Variants in ATXN7L1 observed in about 807,000 individuals in gnomAD.
ATXN7L1 encodes ataxin 7 like 1.
In ATXN7L1, 15 loss-of-function variants were observed where a neutral mutation model predicts 70.8. That is an observed-to-expected ratio of 0.21 (90% CI 0.14 to 0.33). The LOEUF (loss-of-function observed/expected upper bound fraction) is 0.33. Among genes scored for constraint, ATXN7L1 ranks in the 10% least tolerant of loss-of-function variants. ATXN7L1 has a pLI of 1.00. For synonymous variants in ATXN7L1, 440 were observed against 445.1 expected, an observed-to-expected ratio of 0.99 and a Z score of 0.14; for missense variants, 975 against 1,097.1, an observed-to-expected ratio of 0.89 and a Z score of 1.57.
intron 9 of ATXN7L1, chr7:105,618,026 G>A (rs1454672939): frequency 2.2e-6 from 1 of 456,662 alleles, no homozygotes; most frequent in African/African-American, 2.0e-5. Flanking sequence ...GTTGCTCAGT[G>A]ACAGCAGATT....
At chr7:105,827,097 G>A (rs145312040) in intron 2 of ATXN7L1, among the ~76,000 whole-genome samples, 2 of 152,294 alleles carry the variant, frequency 1.3e-5, no homozygotes, top group East Asian at 3.9e-4. Context: ...AGGCGAGGTT[G>A]AAAAGGAAAG....
intron 3 of ATXN7L1, among the ~76,000 whole-genome samples, chr7:105,670,699 G>T (rs1248764079): frequency 6.7e-6 from 1 of 150,082 alleles, no homozygotes; most frequent in Admixed American, 6.6e-5. Flanking sequence ...CGTGGTGGCT[G>T]ACATCTGTAA....
intron 7 of ATXN7L1, among the ~76,000 whole-genome samples, chr7:105,625,744 C>T (rs968345142): frequency 2.6e-5 from 4 of 152,176 alleles, no homozygotes; most frequent in Non-Finnish European, 5.9e-5. Context: ...GAACTACCTG[C>T]TTCCTAGGCA....
At chr7:105,715,202 T>G (rs1389533304) in intron 3 of ATXN7L1, among the ~76,000 whole-genome samples, 1 of 152,140 alleles carries the variant, frequency 6.6e-6, no homozygotes, top group Non-Finnish European at 1.5e-5. Context: ...ACGTGTGGGC[T>G]CAAAACCAGC....
chr7:105,647,673 C>T (rs1799252160), intron 4 of ATXN7L1, among the ~76,000 whole-genome samples: 2 of 152,192 alleles, frequency 1.3e-5, no homozygotes, highest in South Asian at 4.1e-4. Flanking sequence ...AAAAACAAGC[C>T]AAGCAGCCCT....
chr7:105,677,758 T>C (rs1202632823), intron 3 of ATXN7L1, among the ~76,000 whole-genome samples: 2 of 152,184 alleles, frequency 1.3e-5, no homozygotes, highest in African/African-American at 2.4e-5. Flanking sequence ...ATTAAATTAG[T>C]CCACTTACAA....
At chr7:105,611,815 C>T (rs1401040199) in intron 10 of ATXN7L1, among the ~76,000 whole-genome samples, 2 of 152,220 alleles carry the variant, frequency 1.3e-5, no homozygotes, top group Non-Finnish European at 2.9e-5. Flanking sequence ...ATGCGTTGCC[C>T]CGACCCCGAT....
At chr7:105,819,726 A>T (rs1809808959) in intron 2 of ATXN7L1, 1 of 816,722 alleles carries the variant, frequency 1.2e-6, no homozygotes, top group Non-Finnish European at 2.1e-6. Flanking sequence ...CTCTAGCCGC[A>T]CCTTCCGGCT....
chr7:105,634,179 G>A (rs961973844), intron 7 of ATXN7L1, among the ~76,000 whole-genome samples: 6 of 152,286 alleles, frequency 3.9e-5, no homozygotes, highest in East Asian at 1.9e-4. Flanking sequence ...ACACAGTCAC[G>A]CAAGTTTGTT....
At chr7:105,786,993 A>G (rs575200688) in intron 3 of ATXN7L1, among the ~76,000 whole-genome samples, 1 of 152,294 alleles carries the variant, frequency 6.6e-6, no homozygotes, top group East Asian at 1.9e-4. Context: ...TCACTGAACC[A>G]CTGGCTGGGT....
intron 11 of ATXN7L1, 118 bp from the exon 12 acceptor site, chr7:105,608,008 C>T (rs1792833963): frequency 5.4e-6 from 5 of 926,012 alleles, no homozygotes; most frequent in Non-Finnish European, 8.4e-6. Context: ...TATCCCACCT[C>T]CCATATCCAG....
At chr7:105,820,126 CAAAAAAAAAAAAAAAA>C (rs562797891) in intron 2 of ATXN7L1, 13 of 64,318 alleles carry the variant, frequency 2.0e-4, no homozygotes, top group South Asian at 1.3e-3. Flanking sequence ...GTTTATTCCT[CAAAAAAAAAAAAAAAA>C]AAAAAAAAAA....
At chr7:105,690,541 G>A (rs537497851) in intron 3 of ATXN7L1, among the ~76,000 whole-genome samples, 19 of 152,264 alleles carry the variant, frequency 1.2e-4, no homozygotes, top group African/African-American at 4.3e-4. Flanking sequence ...AAGGCCTTCC[G>A]TGAGGCCTAA....
At chr7:105,653,409 C>T (rs1277143723) in intron 4 of ATXN7L1, among the ~76,000 whole-genome samples, 1 of 152,202 alleles carries the variant, frequency 6.6e-6, no homozygotes, top group African/African-American at 2.4e-5. Flanking sequence ...GATCGTGTCA[C>T]AGCACTCCAG....
chr7:105,713,912 C>T (rs754445688), intron 3 of ATXN7L1, among the ~76,000 whole-genome samples: 43 of 152,216 alleles, frequency 2.8e-4, no homozygotes, highest in African/African-American at 8.9e-4. Context: ...CTCTCTCAGA[C>T]GACCCAGGGA....
At position 105,733,661 on chromosome 7, in the gene ATXN7L1, T is replaced by A. The variant is rs71540971; in HGVS notation, c.355+54943A>T. ...ATCCATCCATCCATCCATCCATCCA[T>A]CCATCCATCCATCCATCCACCCATC... On this transcript the variant is annotated intron_variant, in intron 3 of 11. Transcript: ENST00000419735. Among the ~76,000 whole-genome samples the A allele has an allele frequency of 6.0e-4, 74 of 123,430 alleles. 2 individuals carry two copies. Among genetic ancestry groups the A allele is most frequent in the African/African-American group, 1.3e-3 (39 of 30,918 alleles). The allele number at this position is 123,430 out of a possible 152,430, so 81.0% of individuals were successfully genotyped here.
intron 3 of ATXN7L1, among the ~76,000 whole-genome samples, chr7:105,766,140 C>T (rs1380462188): frequency 6.6e-6 from 1 of 150,520 alleles, no homozygotes; most frequent in Non-Finnish European, 1.5e-5. Context: ...ACAAAGGAAT[C>T]GCAGGTCAAC....
intron 3 of ATXN7L1, among the ~76,000 whole-genome samples, chr7:105,769,619 T>C (rs531647072): frequency 1.3e-5 from 2 of 152,228 alleles, no homozygotes; most frequent in Admixed American, 1.3e-4. Context: ...CTAAGGGATT[T>C]CCCAGGACAA....
At chr7:105,849,575 T>C (rs936204634) in intron 2 of ATXN7L1, among the ~76,000 whole-genome samples, 1 of 152,246 alleles carries the variant, frequency 6.6e-6, no homozygotes, top group African/African-American at 2.4e-5. Context: ...CCCACCCTCT[T>C]GGAGGTGTAG....
Sources: gnomAD v4.1 joint callset for allele counts (sites outside exome capture counted in the v4.1 genomes callset) on GRCh38, gnomAD v4.1.1 for gene constraint, MANE v1.5 for transcripts, NCBI Gene and HGNC (gene_info 2026-07-23, HGNC 2026-07-21) for gene names.